The following IL1RAPL1 variants were observed in gnomAD, a reference collection of about 807,000 sequenced individuals.
IL1RAPL1 encodes interleukin 1 receptor accessory protein like 1, also known as interleukin-1 receptor accessory protein-like 1.
In IL1RAPL1, 3 loss-of-function variants were observed where a neutral mutation model predicts 48.4. The ratio of observed to expected loss-of-function variants is 0.06; its 90% CI spans 0.03 to 0.16. The LOEUF (loss-of-function observed/expected upper bound fraction) is 0.16. Ranked by LOEUF, IL1RAPL1 falls within the 10% of genes least tolerant of loss-of-function variation. The pLI is 1.00. For synonymous variants in IL1RAPL1, 185 were observed against 187.7 expected, an observed-to-expected ratio of 0.99 and a Z score of 0.12; for missense variants, 349 against 530.6, an observed-to-expected ratio of 0.66 and a Z score of 3.36.
intron 2 of IL1RAPL1, among the ~76,000 whole-genome samples, chrX:28,903,558 G>A (rs1245331777): frequency 9.1e-6 from 1 of 110,209 alleles, no homozygotes; most frequent in African/African-American, 3.3e-5. Flanking sequence ...TGCATGTAGT[G>A]TTAAAGAAGG....
chrX:29,212,717 T>A (rs1251317877), intron 2 of IL1RAPL1, among the ~76,000 whole-genome samples: 2 of 112,762 alleles, frequency 1.8e-5, no homozygotes, highest in Non-Finnish European at 3.7e-5. Flanking sequence ...TATCGCATAC[T>A]GTATTCTTGC....
At chrX:28,599,412 C>A (rs1933995494) in intron 1 of IL1RAPL1, among the ~76,000 whole-genome samples, 1 of 110,683 alleles carries the variant, frequency 9.0e-6, no homozygotes, top group Admixed American at 9.6e-5. Context: ...AAGTGCCCCT[C>A]CAACTCAGCT....
intron 3 of IL1RAPL1, among the ~76,000 whole-genome samples, chrX:29,319,185 T>TCTATCTAC (rs1217885340): frequency 3.9e-5 from 4 of 103,777 alleles, no homozygotes; most frequent in Non-Finnish European, 7.8e-5. Flanking sequence ...TATCTATCTA[T>TCTATCTAC]CTATCTATCT....
intron 1 of IL1RAPL1, among the ~76,000 whole-genome samples, chrX:28,708,169 AG>A (rs1355089272): frequency 9.0e-6 from 1 of 111,460 alleles, no homozygotes; most frequent in East Asian, 2.8e-4. Flanking sequence ...ACAAGTGCAA[AG>A]GTAATTACAG....
At chrX:29,338,039 C>T (rs1171334285) in intron 3 of IL1RAPL1, among the ~76,000 whole-genome samples, 3 of 111,456 alleles carry the variant, frequency 2.7e-5, no homozygotes, top group Non-Finnish European at 5.6e-5. Context: ...TTTTGGTATG[C>T]GTCATTCTCT....
intron 2 of IL1RAPL1, among the ~76,000 whole-genome samples, chrX:28,851,201 T>C (rs1356012685): frequency 9.2e-6 from 1 of 109,246 alleles, no homozygotes; most frequent in African/African-American, 3.3e-5. Flanking sequence ...GTGCCTGTTA[T>C]CCAGGATCAA....
intron 5 of IL1RAPL1, among the ~76,000 whole-genome samples, chrX:29,514,249 C>A (rs1182866663): frequency 9.0e-6 from 1 of 111,304 alleles, no homozygotes; most frequent in Non-Finnish European, 1.9e-5. Context: ...AAATATTTGT[C>A]CTAACTTTTC....
chrX:28,636,858 G>C (rs145246354), intron 1 of IL1RAPL1, among the ~76,000 whole-genome samples: 5 of 111,773 alleles, frequency 4.5e-5, no homozygotes, highest in Non-Finnish European at 7.5e-5. Context: ...AAGGAAGTTT[G>C]AGAAGGTGAA....
At chrX:29,486,726 C>T (rs2147750623) in intron 5 of IL1RAPL1, among the ~76,000 whole-genome samples, 1 of 108,421 alleles carries the variant, frequency 9.2e-6, no homozygotes, top group East Asian at 3.0e-4. Flanking sequence ...TCTCAGACAT[C>T]ACAGGGACTG....
intron 5 of IL1RAPL1, among the ~76,000 whole-genome samples, chrX:29,504,745 C>A (rs1935310283): frequency 8.9e-6 from 1 of 112,249 alleles, no homozygotes; most frequent in Non-Finnish European, 1.9e-5. Context: ...AAGTGGAATT[C>A]TTGAAGGCAG....
intron 2 of IL1RAPL1, among the ~76,000 whole-genome samples, chrX:29,090,557 T>C (rs1290346122): frequency 1.8e-5 from 2 of 112,111 alleles, no homozygotes; most frequent in South Asian, 3.7e-4. Flanking sequence ...ACCAAAAACA[T>C]TGACCACACG....
chrX:29,917,741 CTG>C, intron 7 of IL1RAPL1, 145 bp downstream of exon 7: 1 of 473,705 alleles, frequency 2.1e-6, no homozygotes, highest in Non-Finnish European at 3.6e-6. Flanking sequence ...AAGCAAAACA[CTG>C]TTAACAGACT....
At chrX:28,869,826 C>T (rs1455502822) in intron 2 of IL1RAPL1, among the ~76,000 whole-genome samples, 1 of 111,415 alleles carries the variant, frequency 9.0e-6, no homozygotes, top group East Asian at 2.8e-4. Flanking sequence ...TTTTATTTAA[C>T]CCCCAAAAAA....
chrX:29,587,542 A>T (rs889618680), intron 5 of IL1RAPL1, among the ~76,000 whole-genome samples: 12 of 112,150 alleles, frequency 1.1e-4, no homozygotes, highest in Non-Finnish European at 1.9e-5. Context: ...CAATGCAAAA[A>T]ATAAGTTTGT....
chrX:28,902,065 G>C (rs1241250035), intron 2 of IL1RAPL1, among the ~76,000 whole-genome samples: 2 of 111,628 alleles, frequency 1.8e-5, no homozygotes, highest in Non-Finnish European at 3.8e-5. Context: ...TCGTCAGTAA[G>C]ACCTTCCCAA....
rs1439426871 is a variant in IL1RAPL1, at chrX:29,236,523, TC to T, written c.83-46413del. Among the ~76,000 whole-genome samples the T allele has an allele frequency of 1.4e-3, 96 of 68,538 alleles. 1 individual carries two copies. The East Asian group carries it at 0.058, about 41-fold the overall frequency. 59.5% of individuals were successfully genotyped at this position (68,538 alleles called of 115,157 possible). On this transcript the variant is annotated intron_variant, in intron 2 of 10. Transcript: ENST00000378993. ...TCTATTCCTTCTCTTTTTTTTTTTTTCCTTTCTTTTTCTTTTTTTTTCTTTT... is the reference window on the plus strand; with the variant it reads ...TCTATTCCTTCTCTTTTTTTTTTTTTCTTTCTTTTTCTTTTTTTTTCTTTT...
At chrX:29,386,566 C>T (rs1282625304) in intron 3 of IL1RAPL1, among the ~76,000 whole-genome samples, 2 of 96,648 alleles carry the variant, frequency 2.1e-5, no homozygotes, top group Non-Finnish European at 4.1e-5. Flanking sequence ...TTTTTTGAGA[C>T]AGGGTCTCAT....
chrX:28,818,139 G>A (rs1012619562), intron 2 of IL1RAPL1, among the ~76,000 whole-genome samples: 15 of 110,858 alleles, frequency 1.4e-4, no homozygotes, highest in Non-Finnish European at 1.9e-5. Context: ...AGTTTTGTGA[G>A]GGGGGTTGTG....
chrX:29,844,699 A>G (rs1490242619), intron 6 of IL1RAPL1, among the ~76,000 whole-genome samples: 1 of 112,589 alleles, frequency 8.9e-6, no homozygotes, highest in Non-Finnish European at 1.9e-5. Context: ...GAGAATGTGC[A>G]TAGGTTATGT....
Sources: gnomAD v4.1 joint callset for allele counts (sites outside exome capture counted in the v4.1 genomes callset) on GRCh38, gnomAD v4.1.1 for gene constraint, MANE v1.5 for transcripts, NCBI Gene and HGNC (gene_info 2026-07-23, HGNC 2026-07-21) for gene names.